KIF26B: variants seen among roughly 807,000 people sequenced by gnomAD.
KIF26B encodes kinesin-like protein KIF26B.
Under a neutral mutation model 151.2 loss-of-function variants are expected in KIF26B, and 63 were observed. That is an observed-to-expected ratio of 0.42 (90% CI 0.34 to 0.51). The LOEUF is 0.51. KIF26B is among the 20% of genes least tolerant of loss of function. The pLI, the probability that KIF26B is intolerant of heterozygous loss-of-function variation, is 0.07. For synonymous variants in KIF26B, 1,357 were observed against 1,262.1 expected, an observed-to-expected ratio of 1.08 and a Z score of -1.59; for missense variants, 2,813 against 2,913.6, an observed-to-expected ratio of 0.97 and a Z score of 0.79.
intron 9 of KIF26B, among the ~76,000 whole-genome samples, chr1:245,616,785 A>T (rs974490139): frequency 6.6e-6 from 1 of 152,182 alleles, no homozygotes. Flanking sequence ...CTCAGCGTGG[A>T]CTAGTGATAC....
At chr1:245,282,520 C>T (rs989267773) in intron 2 of KIF26B, among the ~76,000 whole-genome samples, 2 of 152,192 alleles carry the variant, frequency 1.3e-5, no homozygotes, top group South Asian at 2.1e-4. Context: ...GCCGCCCCCA[C>T]GTATCCCCAA....
At chr1:245,598,373 TC>T (rs1558230603) in intron 5 of KIF26B, among the ~76,000 whole-genome samples, 1 of 152,144 alleles carries the variant, frequency 6.6e-6, no homozygotes, top group Non-Finnish European at 1.5e-5. Context: ...GAGGGATCCT[TC>T]CAGTGGTCAC....
At chr1:245,265,483 A>G (rs1670728326) in intron 2 of KIF26B, among the ~76,000 whole-genome samples, 1 of 152,186 alleles carries the variant, frequency 6.6e-6, no homozygotes, top group Non-Finnish European at 1.5e-5. Context: ...CTATATACAA[A>G]AAATTAGTTT....
chr1:245,243,429 T>TAC (rs1345587719), intron 2 of KIF26B, among the ~76,000 whole-genome samples: 1 of 55,344 alleles, frequency 1.8e-5, no homozygotes, highest in Non-Finnish European at 4.0e-5. Context: ...TCTATATATA[T>TAC]ACATACATAT....
Position 245,688,777 on chromosome 1 carries a change from C to T in KIF26B, c.5794C>T (p.Leu1932Phe), listed in dbSNP as rs1412083079. 6.3e-7 allele frequency: 1 copy of T among 1,593,558 alleles called. No homozygotes were observed. Among genetic ancestry groups the T allele is most frequent in the African/African-American group, 1.3e-5 (1 of 74,208 alleles). Residue 1932 changes from leucine (L) to phenylalanine (F), a missense_variant, in exon 12 of 15, where the codon CTC becomes TTC. Leu to Phe is a conservative substitution (Grantham distance 22). Around this residue, in one of 3 missense-constraint regions of KIF26B, gnomAD observed 2,060 missense variants for 2,088.6 expected, o/e 0.99. Coordinates refer to ENST00000407071, the MANE Select transcript of KIF26B (RefSeq NM_018012.4). ...CTCCGTGGGCGGCAGGTGCCGGAGC[C>T]TCAAGACCCCGAAGAAACGCTCCAA... Reference protein sequence around the residue: ...SSSVGGRCRSLKTPKKRSNPG... With the variant: ...SSSVGGRCRSFKTPKKRSNPG...
At chr1:245,485,916 G>T (rs1268880943) in intron 4 of KIF26B, among the ~76,000 whole-genome samples, 1 of 152,184 alleles carries the variant, frequency 6.6e-6, no homozygotes, top group Non-Finnish European at 1.5e-5. Flanking sequence ...TTTGCATCTT[G>T]GTCAATAGTC....
intron 4 of KIF26B, among the ~76,000 whole-genome samples, chr1:245,498,820 G>T (rs1007618579): frequency 6.6e-6 from 1 of 152,154 alleles, no homozygotes; most frequent in South Asian, 2.1e-4. Flanking sequence ...AGGAGGCAAC[G>T]AGGCTAGTCT....
intron 2 of KIF26B, among the ~76,000 whole-genome samples, chr1:245,337,164 T>C (rs369118142): frequency 7.9e-6 from 1 of 127,204 alleles, no homozygotes; most frequent in African/African-American, 3.9e-5. Context: ...ATTTATTTAT[T>C]TATTTATTTA....
intron 2 of KIF26B, among the ~76,000 whole-genome samples, chr1:245,311,269 T>C (rs974579161): frequency 6.6e-6 from 1 of 152,120 alleles, no homozygotes; most frequent in Non-Finnish European, 1.5e-5. Context: ...TATCTCTGCA[T>C]TGTGGGAGGG....
At chr1:245,519,661 C>T (rs1274558912) in intron 4 of KIF26B, among the ~76,000 whole-genome samples, 2 of 152,068 alleles carry the variant, frequency 1.3e-5, no homozygotes, top group African/African-American at 2.4e-5. Context: ...GTTTGAACAT[C>T]ATGGAGTGTA....
intron 4 of KIF26B, among the ~76,000 whole-genome samples, chr1:245,440,940 CAG>C (rs1196585344): frequency 6.6e-6 from 1 of 152,202 alleles, no homozygotes; most frequent in Admixed American, 6.5e-5. Flanking sequence ...GGAATGTCAA[CAG>C]AGCAGATGCG....
chr1:245,278,180 C>T lies in KIF26B; in HGVS notation c.466-88654C>T, dbSNP rs182919413. 4.6e-5 allele frequency among the ~76,000 whole-genome samples: 7 copies of T among 152,238 alleles called. No individual in the cohort carries two copies. The East Asian group carries it at 1.4e-3, about 30-fold the overall frequency. On this transcript the variant is annotated intron_variant, in intron 2 of 14. Coordinates refer to ENST00000407071, the MANE Select transcript of KIF26B (RefSeq NM_018012.4). ...CCCAAGTATTGCCATAGAAATCGCA[C>T]TTCAGACTCTACACCATGCATCAAT... is the stretch of plus-strand genomic sequence containing the variant.
chr1:245,394,114 C>T (rs1173835), intron 3 of KIF26B, among the ~76,000 whole-genome samples: 99,204 of 152,012 alleles, frequency 0.65, 32,373 homozygotes, highest in South Asian at 0.71. Flanking sequence ...GCTTGAGACT[C>T]ATCTTTGGAT....
At chr1:245,270,866 T>A (rs1316602185) in intron 2 of KIF26B, among the ~76,000 whole-genome samples, 3 of 152,260 alleles carry the variant, frequency 2.0e-5, no homozygotes, top group Non-Finnish European at 4.4e-5. Context: ...CCCTATGTTT[T>A]CTTCTAGGAG....
intron 4 of KIF26B, among the ~76,000 whole-genome samples, chr1:245,422,177 C>G (rs1158147839): frequency 6.6e-6 from 1 of 152,144 alleles, no homozygotes; most frequent in Non-Finnish European, 1.5e-5. Flanking sequence ...GTACTTGGAG[C>G]TTCATGGTAT....
In KIF26B at chr1:245,601,844, C is replaced by T. The variant is rs1322237820; in HGVS notation, c.1351-733C>T. On this transcript the variant is annotated intron_variant, in intron 5 of 14. Transcript: ENST00000407071. The surrounding 1 kb of genome is among the most constrained non-coding windows in gnomAD (Gnocchi z 4.4). ...TGACTGTGCATTTCCATAAGCACCTCGCTCGCCTGCAGGACGGGGCTGGGT... is the reference window on the plus strand; with the variant it reads ...TGACTGTGCATTTCCATAAGCACCTTGCTCGCCTGCAGGACGGGGCTGGGT... 6.6e-6 allele frequency among the ~76,000 whole-genome samples: 1 copy of T among 152,158 alleles called. No individual in the cohort carries two copies. Among genetic ancestry groups the T allele is most frequent in the Admixed American group, 6.5e-5 (1 of 15,278 alleles).
rs1558326887 is a variant in KIF26B, at chr1:245,155,157, G to A, written c.-268G>A. The A allele has an allele frequency of 1.8e-6, 1 of 550,706 alleles. No individual in the cohort carries two copies. The highest frequency in any genetic ancestry group is 3.2e-5 in the East Asian group (1 of 30,824). 34.1% of individuals were successfully genotyped at this position (550,706 alleles called of 1,614,324 possible). A position where few individuals can be genotyped will look rare whatever the true frequency, so the allele number is the denominator to read the frequency against. On this transcript the variant is annotated 5_prime_UTR_variant, in exon 1 of 15. Transcript: ENST00000407071. Reference sequence around the variant, plus strand: ...TTCTGTGGATGTGGCCGTGACAAGAGGACGTGCGGCTGGAAGAGGCAGAAG... The same window carrying A: ...TTCTGTGGATGTGGCCGTGACAAGAAGACGTGCGGCTGGAAGAGGCAGAAG...
intron 4 of KIF26B, among the ~76,000 whole-genome samples, chr1:245,440,316 A>T (rs1464889237): frequency 6.6e-6 from 1 of 152,090 alleles, no homozygotes; most frequent in Non-Finnish European, 1.5e-5. Context: ...GAGAACGGGC[A>T]TTTGGAAGAA....
intron 2 of KIF26B, among the ~76,000 whole-genome samples, chr1:245,215,428 C>T (rs1172772063): frequency 2.0e-5 from 3 of 152,060 alleles, no homozygotes; most frequent in Non-Finnish European, 4.4e-5. Flanking sequence ...CTCTCTGAGA[C>T]CAGGGAGGCC....
Sources: allele counts gnomAD v4.1 joint callset (sites outside exome capture counted in the v4.1 genomes callset), GRCh38; gene constraint gnomAD v4.1.1; regional missense constraint gnomAD v4.1.1; non-coding constraint Gnocchi (gnomAD v3.1); transcripts MANE v1.5; gene names NCBI Gene and HGNC (gene_info 2026-07-23, HGNC 2026-07-21).